Variants in DIP2C observed in about 807,000 individuals in gnomAD.
DIP2C encodes disco-interacting protein 2 homolog C.
DIP2C carries 33 observed loss-of-function variants against 192.4 expected under a neutral mutation model. The ratio of observed to expected loss-of-function variants is 0.17; its 90% CI spans 0.13 to 0.23. The LOEUF (loss-of-function observed/expected upper bound fraction) is 0.23, where lower values mean the gene tolerates loss of function less well. DIP2C is among the 10% of genes least tolerant of loss of function. The pLI is 1.00. For synonymous variants in DIP2C, 979 were observed against 864.1 expected, an observed-to-expected ratio of 1.13 and a Z score of -2.33; for missense variants, 1,537 against 2,110.1, an observed-to-expected ratio of 0.73 and a Z score of 5.32.
intron 13 of DIP2C, among the ~76,000 whole-genome samples, chr10:388,488 G>A (rs1382827367): frequency 6.6e-6 from 1 of 152,192 alleles, no homozygotes; most frequent in Non-Finnish European, 1.5e-5. Context: ...AAAGTGTGGA[G>A]GATAATAGAC....
At chr10:592,611 G>A (rs1263053376) in intron 1 of DIP2C, among the ~76,000 whole-genome samples, 1 of 152,128 alleles carries the variant, frequency 6.6e-6, no homozygotes, top group African/African-American at 2.4e-5. Flanking sequence ...CTGAATTCCT[G>A]GGATTCAGAA....
At position 274,338 on chromosome 10, in the gene DIP2C, C is replaced by G. The variant is rs1954410094; in HGVS notation, c.*2987G>C. ...ATTTTTCAAAGTATGATTATCTGTA[C>G]TAAGTAATGCAACAAATTATGTAAA... On this transcript the variant is annotated 3_prime_UTR_variant, in exon 37 of 37. Coordinates refer to ENST00000280886, the MANE Select transcript of DIP2C (RefSeq NM_014974.3). 1 of 152,192 alleles carries G rather than the reference C, an allele frequency of 6.6e-6. No homozygotes were observed. Among genetic ancestry groups the G allele is most frequent in the Non-Finnish European group, 1.5e-5 (1 of 68,038 alleles). 9.4% of individuals were successfully genotyped at this position (152,192 alleles called of 1,614,324 possible).
At position 356,446 on chromosome 10, in the gene DIP2C, A is replaced by G; in HGVS notation, c.2965T>C (p.Tyr989His). Residue 989 changes from tyrosine (Y) to histidine (H), a missense_variant, in exon 24 of 37, where the codon TAC becomes CAC. Transcript: ENST00000280886. Reference sequence around the variant, plus strand: ...CTCACCCGACAGTTGAGCAGCGTGTAGAGGATGTGGTCCGGGGTGGTCTGT... The same window carrying G: ...CTCACCCGACAGTTGAGCAGCGTGTGGAGGATGTGGTCCGGGGTGGTCTGT... ...RAQTTPDHIL[Y>H]TLLNCRGAIA... The G allele has an allele frequency of 6.2e-7, 1 of 1,612,002 alleles. No homozygotes were observed. Among genetic ancestry groups the G allele is most frequent in the Non-Finnish European group, 8.5e-7 (1 of 1,179,986 alleles).
intron 36 of DIP2C, among the ~76,000 whole-genome samples, chr10:279,844 C>T (rs368063422): frequency 1.2e-4 from 19 of 152,358 alleles, no homozygotes; most frequent in South Asian, 4.1e-4. Context: ...ATAAGCACCA[C>T]GGTCTAGAAG....
At chr10:297,274 A>C (rs113601948) in intron 32 of DIP2C, among the ~76,000 whole-genome samples, 1 of 114,556 alleles carries the variant, frequency 8.7e-6, no homozygotes. Context: ...ACACACACAC[A>C]CCAAACTACG....
intron 1 of DIP2C, chr10:661,945 TC>T: frequency 1.4e-6 from 1 of 689,728 alleles, no homozygotes; most frequent in East Asian, 2.7e-5. Context: ...CACTCCCTCT[TC>T]CCCTCCTGAC....
intron 1 of DIP2C, among the ~76,000 whole-genome samples, chr10:581,215 C>T (rs191737154): frequency 5.9e-5 from 9 of 152,300 alleles, no homozygotes; most frequent in Non-Finnish European, 8.8e-5. Flanking sequence ...ACTTGTTTCC[C>T]TTTCTTGAAT....
intron 23 of DIP2C, among the ~76,000 whole-genome samples, 168 bp from the exon 24 acceptor site, chr10:356,674 C>T (rs953751491): frequency 3.3e-5 from 5 of 152,234 alleles, no homozygotes; most frequent in African/African-American, 1.2e-4. Flanking sequence ...GGAAAATCCC[C>T]GTCACACACG....
chr10:315,302 G>A (rs574586599), intron 31 of DIP2C, among the ~76,000 whole-genome samples: 1 of 152,236 alleles, frequency 6.6e-6, no homozygotes, highest in South Asian at 2.1e-4. Flanking sequence ...ACGTTTTCTT[G>A]TATTTACTCT....
intron 1 of DIP2C, among the ~76,000 whole-genome samples, chr10:570,474 A>G (rs1193252411): frequency 2.6e-5 from 4 of 152,064 alleles, no homozygotes; most frequent in African/African-American, 9.7e-5. Context: ...CTAAGACATG[A>G]CCCACATCTC....
intron 29 of DIP2C, among the ~76,000 whole-genome samples, chr10:330,338 A>G (rs373203666): frequency 5.5e-5 from 6 of 109,194 alleles, no homozygotes; most frequent in East Asian, 5.4e-4. Flanking sequence ...TAGAGAAATG[A>G]AAAAGTGATA....
chr10:579,939 CATGT>C (rs989010065), intron 1 of DIP2C, among the ~76,000 whole-genome samples: 6 of 151,732 alleles, frequency 4.0e-5, no homozygotes, highest in Admixed American at 2.0e-4. Context: ...TACACTATAA[CATGT>C]ATGTACATGA....
chr10:479,062 T>C (rs2133499483), intron 2 of DIP2C, among the ~76,000 whole-genome samples: 1 of 152,334 alleles, frequency 6.6e-6, no homozygotes, highest in African/African-American at 2.4e-5. Context: ...GGGATTTTTC[T>C]GTATTTTCAG....
At chr10:672,553 C>T (rs575080731) in intron 1 of DIP2C, among the ~76,000 whole-genome samples, 5 of 152,222 alleles carry the variant, frequency 3.3e-5, no homozygotes, top group Non-Finnish European at 7.3e-5. Context: ...TGGAGGTCAC[C>T]ATTAAACAGA....
chr10:472,632 C>G, intron 2 of DIP2C, 83 bp from the exon 3 acceptor site: 1 of 1,255,236 alleles, frequency 8.0e-7, no homozygotes, highest in South Asian at 1.3e-5. Context: ...GCCCTCCATC[C>G]CCACAGCAAA....
At chr10:563,492 T>C (rs994231273) in intron 1 of DIP2C, among the ~76,000 whole-genome samples, 1 of 152,208 alleles carries the variant, frequency 6.6e-6, no homozygotes, top group Non-Finnish European at 1.5e-5. Context: ...GCATAGTAGC[T>C]AGGCATACAG....
At chr10:596,496 C>CA (rs56298679) in intron 1 of DIP2C, among the ~76,000 whole-genome samples, 4,624 of 52,848 alleles carry the variant, frequency 0.087, 858 homozygotes, top group Non-Finnish European at 0.11. Context: ...AACTCCATCT[C>CA]AAAAAAAAAA....
chr10:662,172 C>A (rs1170783994), intron 1 of DIP2C: 16 of 714,242 alleles, frequency 2.2e-5, no homozygotes, highest in Non-Finnish European at 3.9e-5. Context: ...CAGATAGGCA[C>A]ATGCATATTT....
chr10:509,518 C>T (rs2168470), intron 1 of DIP2C, among the ~76,000 whole-genome samples: 1 of 152,164 alleles, frequency 6.6e-6, no homozygotes, highest in African/African-American at 2.4e-5. Context: ...GCTTCCGCAG[C>T]GGAAACTCAC....
Sources: allele counts gnomAD v4.1 joint callset (sites outside exome capture counted in the v4.1 genomes callset), GRCh38; gene constraint gnomAD v4.1.1; transcripts MANE v1.5; gene names NCBI Gene and HGNC (gene_info 2026-07-23, HGNC 2026-07-21).